The following VRK2 variants were observed in gnomAD, a reference collection of about 807,000 sequenced individuals.
The protein encoded by VRK2 is serine/threonine-protein kinase VRK2.
Under a neutral mutation model 57.6 loss-of-function variants are expected in VRK2, and 60 were observed. The observed-to-expected ratio is 1.04, with a 90% CI of 0.85 to 1.29. The LOEUF (loss-of-function observed/expected upper bound fraction) is 1.29, where lower values mean the gene tolerates loss of function less well. Ranked by LOEUF, VRK2 falls within the 50% of genes most tolerant of loss-of-function variation. The pLI, the probability that VRK2 is intolerant of heterozygous loss-of-function variation, is 0.00. For missense variants in VRK2, 705 were observed against 588.1 expected, an observed-to-expected ratio of 1.20 and a Z score of -2.06; for synonymous variants, 231 against 199.2, an observed-to-expected ratio of 1.16 and a Z score of -1.35.
chr2:58,080,110 T>G (rs1329992361), intron 2 of VRK2, among the ~76,000 whole-genome samples: 1 of 151,906 alleles, frequency 6.6e-6, no homozygotes, highest in Non-Finnish European at 1.5e-5. Flanking sequence ...ATTTGTGGAG[T>G]TTACATTCTA....
At chr2:58,047,370 T>C in intron 1 of VRK2, 1 of 970,180 alleles carries the variant, frequency 1.0e-6, no homozygotes, top group Non-Finnish European at 1.2e-6. Context: ...ATCTTAGCCC[T>C]GGGAAGGTAC....
intron 7 of VRK2, among the ~76,000 whole-genome samples, chr2:58,093,608 G>C (rs931560366): frequency 1.3e-5 from 2 of 152,118 alleles, no homozygotes; most frequent in African/African-American, 4.8e-5. Flanking sequence ...CTCCCATTTT[G>C]TAGGTTGCCT....
intron 2 of VRK2, among the ~76,000 whole-genome samples, chr2:58,056,076 A>G (rs1464196317): frequency 6.6e-6 from 1 of 151,978 alleles, no homozygotes; most frequent in Non-Finnish European, 1.5e-5. Context: ...CACACCCACT[A>G]CAGAACTCCC....
At chr2:58,034,786 A>T (rs753804642) in intron 3 of VRK2, among the ~76,000 whole-genome samples, 13 of 152,106 alleles carry the variant, frequency 8.5e-5, no homozygotes, top group Non-Finnish European at 1.5e-4. Flanking sequence ...TAAAAAACAA[A>T]AAACAAAAAA....
chr2:57,951,924 CTTT>C (rs77314112), intron 1 of VRK2, among the ~76,000 whole-genome samples: 5 of 128,734 alleles, frequency 3.9e-5, no homozygotes, highest in Admixed American at 1.6e-4. Context: ...TTTTTCCTTC[CTTT>C]TTTTTTTTTT....
At chr2:57,973,628 A>G (rs1005768767) in intron 1 of VRK2, among the ~76,000 whole-genome samples, 19 of 151,876 alleles carry the variant, frequency 1.3e-4, no homozygotes, top group African/African-American at 4.3e-4. Flanking sequence ...CAAACTATGA[A>G]GTGGGCCATC....
intron 1 of VRK2, among the ~76,000 whole-genome samples, chr2:57,945,250 ATTATAT>A (rs1671225388): frequency 6.6e-6 from 1 of 152,186 alleles, no homozygotes; most frequent in South Asian, 2.1e-4. Context: ...TAGATCCTGA[ATTATAT>A]TTATAATAAT....
chr2:58,159,083 A>T (rs1024026760), intron 12 of VRK2, among the ~76,000 whole-genome samples: 1 of 152,110 alleles, frequency 6.6e-6, no homozygotes, highest in Non-Finnish European at 1.5e-5. Flanking sequence ...TTATTTTTAG[A>T]TTATAAATTA....
chr2:58,044,917 TGAG>T (rs571541150), upstream of VRK2, among the ~76,000 whole-genome samples: 1,150 of 152,264 alleles, frequency 7.6e-3, 7 homozygotes, highest in Middle Eastern at 0.024. Context: ...GAGGGAGTGC[TGAG>T]GAGACCAGGG....
At chr2:58,040,555 C>T (rs1173737029) in intron 3 of VRK2, among the ~76,000 whole-genome samples, 1 of 152,132 alleles carries the variant, frequency 6.6e-6, no homozygotes. Context: ...AATTGTGACC[C>T]AAAGCGACAA....
chr2:57,949,732 G>C (rs1671369043), intron 1 of VRK2, among the ~76,000 whole-genome samples: 2 of 152,174 alleles, frequency 1.3e-5, no homozygotes, highest in Non-Finnish European at 2.9e-5. Context: ...AAATGATTAA[G>C]CTTAATGAGG....
At chr2:57,946,858 C>T (rs1671276803) in intron 1 of VRK2, among the ~76,000 whole-genome samples, 1 of 152,030 alleles carries the variant, frequency 6.6e-6, no homozygotes, top group African/African-American at 2.4e-5. Context: ...GCATGAGAGA[C>T]TTAATCAACT....
chr2:58,001,763 A>G (rs13405605), intron 1 of VRK2, among the ~76,000 whole-genome samples: 24,892 of 152,144 alleles, frequency 0.16, 2,232 homozygotes, highest in African/African-American at 0.22. Context: ...CAGAGGTTGC[A>G]GTGAGCCGAG....
At chr2:58,070,980 G>A (rs1669287116) in intron 2 of VRK2, among the ~76,000 whole-genome samples, 1 of 152,062 alleles carries the variant, frequency 6.6e-6, no homozygotes, top group Non-Finnish European at 1.5e-5. Flanking sequence ...ATTTAGCATT[G>A]TCTGTGTTTT....
intron 2 of VRK2, among the ~76,000 whole-genome samples, chr2:58,080,394 T>A (rs1420450275): frequency 2.0e-5 from 3 of 152,056 alleles, no homozygotes; most frequent in Admixed American, 6.6e-5. Flanking sequence ...AGAAAAAACT[T>A]AATTGCATTG....
Position 58,159,792 on chromosome 2 carries a change from G to C in VRK2, c.*99G>C, listed in dbSNP as rs1158963823. On this transcript the variant is annotated 3_prime_UTR_variant, in exon 13 of 13. Coordinates refer to ENST00000340157, the MANE Select transcript of VRK2 (RefSeq NM_006296.7). Reference sequence around the variant, plus strand: ...AGTGTTTCCTTCCAGACATTTTTAAGGTAATTGGCTTTAAAAAGAGAACAT... The same window carrying C: ...AGTGTTTCCTTCCAGACATTTTTAACGTAATTGGCTTTAAAAAGAGAACAT... The C allele has an allele frequency of 1.2e-6, 2 of 1,611,912 alleles. No individual in the cohort carries two copies. Among genetic ancestry groups the C allele is most frequent in the Admixed American group, 3.3e-5 (2 of 59,890 alleles).
chr2:58,136,415 C>T lies in VRK2; in HGVS notation c.856+1216C>T, dbSNP rs539350563. On this transcript the variant is annotated intron_variant, in intron 10 of 12. Coordinates refer to ENST00000340157, the MANE Select transcript of VRK2 (RefSeq NM_006296.7). ...TTTTTTTTTTTTTGAGACAGAGTCT[C>T]GCTCTGTCACCCAGGCTGGAGTGCA... is the stretch of plus-strand genomic sequence containing the variant. 3.3e-5 allele frequency among the ~76,000 whole-genome samples: 5 copies of T among 149,954 alleles called. No homozygotes were observed. In the South Asian group the frequency reaches 6.3e-4, roughly 19 times the overall value.
intron 5 of VRK2, among the ~76,000 whole-genome samples, chr2:58,087,781 G>A (rs1357002383): frequency 1.3e-5 from 2 of 152,150 alleles, no homozygotes; most frequent in Non-Finnish European, 2.9e-5. Flanking sequence ...GAGGTCAAGA[G>A]GTCGAGACCA....
chr2:57,970,402 T>C (rs1672061229), intron 1 of VRK2, among the ~76,000 whole-genome samples: 1 of 151,420 alleles, frequency 6.6e-6, no homozygotes, highest in South Asian at 2.1e-4. Flanking sequence ...AAAAGAATTG[T>C]CTATTTAAAA....
Sources: allele counts gnomAD v4.1 joint callset (sites outside exome capture counted in the v4.1 genomes callset), GRCh38; gene constraint gnomAD v4.1.1; transcripts MANE v1.5; gene names NCBI Gene and HGNC (gene_info 2026-07-23, HGNC 2026-07-21).